SRPRA: variants seen among roughly 807,000 people sequenced by gnomAD.
SRPRA encodes the protein SRP receptor subunit alpha, also known as signal recognition particle receptor subunit alpha.
Under a neutral mutation model 61.1 loss-of-function variants are expected in SRPRA, and 30 were observed. That is an observed-to-expected ratio of 0.49 (90% CI 0.37 to 0.67). The LOEUF is 0.67. Among genes scored for constraint, SRPRA ranks in the 30% least tolerant of loss-of-function variants. SRPRA has a pLI of 0.00. For missense variants in SRPRA, 759 were observed against 828.4 expected, an observed-to-expected ratio of 0.92 and a Z score of 1.03; for synonymous variants, 324 against 299.7, an observed-to-expected ratio of 1.08 and a Z score of -0.84.
At position 126,267,138 on chromosome 11, in the gene SRPRA, T is replaced by G; in HGVS notation, c.526+37A>C. On this transcript the variant is annotated intron_variant, in intron 4 of 13. Coordinates refer to ENST00000332118, the MANE Select transcript of SRPRA (RefSeq NM_003139.4). This position sits in a 1 kb window ranked among gnomAD's most constrained non-coding sequence, Gnocchi z 4.2. ...CAGTCCTTAGCACCGTGTTAACACC[T>G]TTCATGTCCCAGTATATCCAAAGAA... 6.2e-7 allele frequency: 1 copy of G among 1,613,008 alleles called. No individual in the cohort carries two copies. Among genetic ancestry groups the G allele is most frequent in the Admixed American group, 1.7e-5 (1 of 59,848 alleles).
At chr11:126,248,358 C>CTT in the SRPRA span, among the ~76,000 whole-genome samples, 2,679 of 36,880 alleles carry the variant, frequency 0.073, 1,192 homozygotes, top group Middle Eastern at 0.22. Context: ...TAGTAGTTGA[C>CTT]TTTTTTTTTT....
Position 126,264,805 on chromosome 11 carries a change from C to T in SRPRA, c.1525+154G>A, listed in dbSNP as rs891642033. The T allele has an allele frequency of 3.5e-6, 3 of 847,396 alleles. No homozygotes were observed. The highest frequency in any genetic ancestry group is 2.9e-5 in the Admixed American group (1 of 34,538). The allele number at this position is 847,396 out of a possible 1,614,324, so 52.5% of individuals were successfully genotyped here. ...TTTGCCTGCAACTACATCTGTTATC[C>T]AAAAGCAGAGCATGGCAAGTAACTG... On this transcript the variant is annotated intron_variant, in intron 11 of 13. Transcript: ENST00000332118. This position sits in a 1 kb window ranked among gnomAD's most constrained non-coding sequence, Gnocchi z 5.0.
At chr11:126,256,693 T>G in the SRPRA span, 6 of 1,614,232 alleles carry the variant, frequency 3.7e-6, no homozygotes, top group Non-Finnish European at 5.1e-6. The surrounding 1 kb of genome is among the most constrained non-coding windows in gnomAD (Gnocchi z 6.6). Flanking sequence ...CCTAGAACAT[T>G]TCATGCTGGT....
the SRPRA span, among the ~76,000 whole-genome samples, chr11:126,253,050 A>G: frequency 1.3e-5 from 2 of 152,332 alleles, no homozygotes; most frequent in East Asian, 3.9e-4. The surrounding 1 kb of genome is among the most constrained non-coding windows in gnomAD (Gnocchi z 5.1). Context: ...AAACAAACAA[A>G]TGATTGAAAT....
At chr11:126,242,188 C>T in the SRPRA span, among the ~76,000 whole-genome samples, 1 of 151,898 alleles carries the variant, frequency 6.6e-6, no homozygotes, top group African/African-American at 2.4e-5. Context: ...CTGGATCTGG[C>T]AGTGGTTTTT....
the SRPRA span, among the ~76,000 whole-genome samples, chr11:126,249,787 G>A: frequency 1.3e-5 from 2 of 149,910 alleles, no homozygotes; most frequent in South Asian, 4.3e-4. Flanking sequence ...ACCACAATTA[G>A]GGCTGTGTCT....
rs1167847436 is a variant in SRPRA at position 126,264,591 on chromosome 11, G to A, written c.1526-52C>T. On this transcript the variant is annotated intron_variant, in intron 11 of 13. Transcript: ENST00000332118. This position sits in a 1 kb window ranked among gnomAD's most constrained non-coding sequence, Gnocchi z 5.0. ...AACACCTGGACTACCACTCATGCTC[G>A]TTCCCAGCTTCCTCTCAAAAAGTCC... The A allele has an allele frequency of 3.1e-6, 5 of 1,589,658 alleles. No individual in the cohort carries two copies. The highest frequency in any genetic ancestry group is 2.7e-5 in the African/African-American group (2 of 74,392).
rs1303372587 is a variant in SRPRA, at chr11:126,267,598, A to G, written c.316T>C (p.Leu106=). 1.9e-6 allele frequency: 3 copies of G among 1,613,994 alleles called. No individual in the cohort carries two copies. The African/African-American group carries it at 4.0e-5, about 22-fold the overall frequency. Residue 106 remains leucine, a synonymous_variant, in exon 3 of 14, where the codon TTA becomes CTA. Transcript: ENST00000332118. The surrounding 1 kb of genome is among the most constrained non-coding windows in gnomAD (Gnocchi z 4.2). ...TGGAAATCAAAAGTGCCATTTAATA[A>G]ACTTAAAGCACTTTGCTGTTGGATC... ...TEIQQQSALS[L]LNGTFDFQND...
In SRPRA at chr11:126,267,119, T is replaced by C. The variant is rs1215636672; in HGVS notation, c.526+56A>G. Reference sequence around the variant, plus strand: ...ACAAAAGGAAGGACCACCTCAGTCCTTAGCACCGTGTTAACACCTTTCATG... The same window carrying C: ...ACAAAAGGAAGGACCACCTCAGTCCCTAGCACCGTGTTAACACCTTTCATG... On this transcript the variant is annotated intron_variant, in intron 4 of 13. Coordinates refer to ENST00000332118, the MANE Select transcript of SRPRA (RefSeq NM_003139.4). This position sits in a 1 kb window ranked among gnomAD's most constrained non-coding sequence, Gnocchi z 4.2. 6.2e-7 allele frequency: 1 copy of C among 1,606,898 alleles called. No individual in the cohort carries two copies. Among genetic ancestry groups the C allele is most frequent in the Non-Finnish European group, 8.5e-7 (1 of 1,176,462 alleles).
chr11:126,263,105 G>A lies in SRPRA; in HGVS notation c.*811C>T, dbSNP rs1055204194. ...CTTGTCTACCAGGCACTGTAGAGGGGAGTGATGAGGAAAAGCCAGGACTGC... is the reference window on the plus strand; with the variant it reads ...CTTGTCTACCAGGCACTGTAGAGGGAAGTGATGAGGAAAAGCCAGGACTGC... On this transcript the variant is annotated 3_prime_UTR_variant, in exon 14 of 14. Transcript: ENST00000332118. 24 of 152,620 alleles carry A rather than the reference G, an allele frequency of 1.6e-4. No individual in the cohort carries two copies. Among genetic ancestry groups the A allele is most frequent in the African/African-American group, 5.3e-4 (22 of 41,450 alleles). 9.5% of individuals were successfully genotyped at this position (152,620 alleles called of 1,614,324 possible). A position where few individuals can be genotyped will look rare whatever the true frequency, so the allele number is the denominator to read the frequency against.
chr11:126,254,061 G>T, the SRPRA span, among the ~76,000 whole-genome samples: 5 of 152,154 alleles, frequency 3.3e-5, no homozygotes, highest in Non-Finnish European at 7.4e-5. Context: ...TGCAAATTAT[G>T]ACAAATTGTG....
chr11:126,254,886 G>T, the SRPRA span, among the ~76,000 whole-genome samples: 2 of 152,188 alleles, frequency 1.3e-5, no homozygotes, highest in African/African-American at 4.8e-5. Flanking sequence ...ACTTATGGGT[G>T]TGCATGCTGT....
At chr11:126,238,882 G>A in the SRPRA span, among the ~76,000 whole-genome samples, 33 of 147,762 alleles carry the variant, frequency 2.2e-4, no homozygotes, top group Middle Eastern at 3.5e-3. Context: ...ATATATACCC[G>A]CTAAAAAAAA....
downstream of SRPRA, chr11:126,261,230 T>G (rs966354751): frequency 1.7e-6 from 1 of 572,192 alleles, no homozygotes; most frequent in Non-Finnish European, 3.1e-6. Context: ...ACTGCTTCCC[T>G]GTTAGGTAAT....
chr11:126,253,986 G>A, the SRPRA span, among the ~76,000 whole-genome samples: 1 of 152,196 alleles, frequency 6.6e-6, no homozygotes, highest in Non-Finnish European at 1.5e-5. This position sits in a 1 kb window ranked among gnomAD's most constrained non-coding sequence, Gnocchi z 5.1. Context: ...TTCTTGGGGC[G>A]ATCACTGAAG....
Position 126,267,511 on chromosome 11 carries a change from T to A in SRPRA, c.365+38A>T, listed in dbSNP as rs1160852543. On this transcript the variant is annotated intron_variant, in intron 3 of 13. Transcript: ENST00000332118. The surrounding 1 kb of genome is among the most constrained non-coding windows in gnomAD (Gnocchi z 4.2). ...CACCTTCAGAGAGGTCATCAAATCA[T>A]GGAAATAAATTGATTTTAGAGAAGG... 2 of 1,611,750 alleles carry A rather than the reference T, an allele frequency of 1.2e-6. No individual in the cohort carries two copies. Among genetic ancestry groups the A allele is most frequent in the Admixed American group, 1.7e-5 (1 of 59,774 alleles).
chr11:126,266,487 C>T lies in SRPRA; in HGVS notation c.829G>A (p.Asp277Asn). The change falls in exon 6 of 14, where the codon GAC becomes AAC. Residue 277 changes from aspartate (D) to asparagine (N), a missense_variant. Coordinates refer to ENST00000332118, the MANE Select transcript of SRPRA (RefSeq NM_003139.4). ...NGTPEAALSEDINLIRGTGSG... is the reference protein window; with the variant it reads ...NGTPEAALSENINLIRGTGSG... Reference sequence around the variant, plus strand: ...CTGTTACCTCTTACCAGGTTGATGTCCTCAGACAAGGCAGCCTCAGGGGTT... The same window carrying T: ...CTGTTACCTCTTACCAGGTTGATGTTCTCAGACAAGGCAGCCTCAGGGGTT... The T allele has an allele frequency of 5.6e-6, 9 of 1,613,832 alleles. No individual in the cohort carries two copies. Among genetic ancestry groups the T allele is most frequent in the Non-Finnish European group, 7.6e-6 (9 of 1,179,840 alleles).
chr11:126,256,992 T>C, the SRPRA span: 16 of 852,254 alleles, frequency 1.9e-5, no homozygotes, highest in African/African-American at 2.7e-4. This position sits in a 1 kb window ranked among gnomAD's most constrained non-coding sequence, Gnocchi z 6.6. Context: ...GCCACAGTCT[T>C]CAGGTTAGAC....
chr11:126,264,893 AT>A lies in SRPRA; in HGVS notation c.1525+65del. 1 of 1,471,536 alleles carries A rather than the reference AT, an allele frequency of 6.8e-7. No homozygotes were observed. Among genetic ancestry groups the A allele is most frequent in the Admixed American group, 2.1e-5 (1 of 48,212 alleles). The allele number at this position is 1,471,536 out of a possible 1,614,324, so 91.2% of individuals were successfully genotyped here. ...GTAGCACAAGCCTGATCTTCTGCAA[AT>A]TCCAAGAGAACCCAAGGAGAAAAAG... On this transcript the variant is annotated intron_variant, in intron 11 of 13. Transcript: ENST00000332118. This position sits in a 1 kb window ranked among gnomAD's most constrained non-coding sequence, Gnocchi z 5.0.
Sources: gnomAD v4.1 joint callset for allele counts (sites outside exome capture counted in the v4.1 genomes callset) on GRCh38, gnomAD v4.1.1 for gene constraint, Gnocchi (gnomAD v3.1) non-coding constraint, MANE v1.5 for transcripts, NCBI Gene and HGNC (gene_info 2026-07-23, HGNC 2026-07-21) for gene names.